ZNF438: variants seen among roughly 807,000 people sequenced by gnomAD.
ZNF438 encodes the protein zinc finger protein 438.
In ZNF438, 25 loss-of-function variants were observed where a neutral mutation model predicts 38.0. The ratio of observed to expected loss-of-function variants is 0.66; its 90% confidence interval spans 0.48 to 0.92. The LOEUF is 0.92. ZNF438 is among the 40% of genes least tolerant of loss of function. The pLI is 0.00. For missense variants in ZNF438, 1,007 were observed against 999.6 expected (o/e 1.01, Z -0.10); for synonymous variants, 372 against 364.1 (o/e 1.02, Z -0.25).
At chr10:30,959,033 T>G (rs909132057) in intron 1 of ZNF438, among the ~76,000 whole-genome samples, 1 of 147,446 alleles carries the variant, frequency 6.8e-6, no homozygotes, top group African/African-American at 2.4e-5. Flanking sequence ...AGCAATTACA[T>G]ACAAGTCTTT....
chr10:30,882,751 G>A (rs2039434837), intron 3 of ZNF438, among the ~76,000 whole-genome samples: 2 of 152,102 alleles, frequency 1.3e-5, no homozygotes, highest in Non-Finnish European at 2.9e-5. Flanking sequence ...ATCCATCGAG[G>A]TGAAGAATAT....
intron 2 of ZNF438, among the ~76,000 whole-genome samples, chr10:30,916,040 A>C (rs1425642900): frequency 6.6e-6 from 1 of 152,016 alleles, no homozygotes; most frequent in African/African-American, 2.4e-5. Context: ...TTGAAGCAAT[A>C]ATGGCGGAAC....
intron 3 of ZNF438, among the ~76,000 whole-genome samples, chr10:30,905,369 C>T (rs1488738648): frequency 1.3e-5 from 2 of 152,166 alleles, no homozygotes; most frequent in Admixed American, 6.5e-5. Flanking sequence ...AACGACGTTG[C>T]ACATCTTTTC....
At position 30,845,912 on chromosome 10, in the gene ZNF438, G is replaced by A. The variant is rs187790403; in HGVS notation, c.1875-339C>T. Among the ~76,000 whole-genome samples, 42 of 152,290 alleles carry A rather than the reference G, an allele frequency of 2.8e-4. 1 individual carries two copies. In the East Asian group the frequency reaches 7.4e-3, roughly 27 times the overall value. ...CACGTAAGAGCGCGTGAAGGGCACG[G>A]GAACACCCTCGGTTCTGTTGAAGGT... On this transcript the variant is annotated intron_variant, in intron 5 of 5. Coordinates refer to ENST00000413025, the Ensembl canonical transcript of ZNF438.
At chr10:31,011,307 G>C (rs1204594169) in intron 1 of ZNF438, among the ~76,000 whole-genome samples, 1 of 152,174 alleles carries the variant, frequency 6.6e-6, no homozygotes, top group Non-Finnish European at 1.5e-5. Flanking sequence ...GAGTACAACT[G>C]CAAGTGGGCA....
chr10:30,948,782 C>A lies in ZNF438; in HGVS notation c.-191-7131G>T, dbSNP rs1463686377. On this transcript the variant is annotated intron_variant, in intron 1 of 5. Transcript: ENST00000413025. ...ACCAAATCTACATCTGATTGGTGTA[C>A]CTGAAAGTGATGGGGAGAATGGAAC... Among the ~76,000 whole-genome samples the A allele has an allele frequency of 4.6e-5, 7 of 151,186 alleles. No homozygotes were observed. In the East Asian group the frequency reaches 1.4e-3, roughly 29 times the overall value.
chr10:30,981,189 G>A (rs1446649397), intron 1 of ZNF438, among the ~76,000 whole-genome samples: 1 of 152,158 alleles, frequency 6.6e-6, no homozygotes, highest in African/African-American at 2.4e-5. Flanking sequence ...AATTAATCAG[G>A]TGACAGAGAA....
Position 30,869,598 on chromosome 10 carries a change from T to A in ZNF438, c.37+7400A>T, listed in dbSNP as rs562385913. Reference sequence around the variant, plus strand: ...CAGGCATGTGTGTGTTTTCCATTTGTTCTTCTGTCAACAGTATAACATACT... The same window carrying A: ...CAGGCATGTGTGTGTTTTCCATTTGATCTTCTGTCAACAGTATAACATACT... On this transcript the variant is annotated intron_variant, in intron 4 of 5. Transcript: ENST00000413025. Among the ~76,000 whole-genome samples, 22 of 152,344 alleles carry A rather than the reference T, an allele frequency of 1.4e-4. No homozygotes were observed. The South Asian group carries it at 4.6e-3, about 32-fold the overall frequency.
In ZNF438 at chr10:30,959,182, G is replaced by C. The variant is rs1001420735; in HGVS notation, c.-191-17531C>G. 2.7e-5 allele frequency among the ~76,000 whole-genome samples: 4 copies of C among 147,026 alleles called. No homozygotes were observed. The East Asian group carries it at 7.7e-4, about 28-fold the overall frequency. On this transcript the variant is annotated intron_variant, in intron 1 of 5. Coordinates refer to ENST00000413025, the Ensembl canonical transcript of ZNF438. ...AGATATTTGGTCAAACATTATTCTC[G>C]ACATTTCTGCAAGAGTAATTTTGGA...
At chr10:30,901,268 G>A (rs999114732) in intron 3 of ZNF438, among the ~76,000 whole-genome samples, 2 of 152,162 alleles carry the variant, frequency 1.3e-5, no homozygotes, top group South Asian at 2.1e-4. Context: ...ACGATTTTAG[G>A]GTATAAATTA....
chr10:30,886,621 A>G (rs1480444407), intron 3 of ZNF438, among the ~76,000 whole-genome samples: 2 of 152,198 alleles, frequency 1.3e-5, no homozygotes, highest in African/African-American at 2.4e-5. Context: ...GTTTTATAAT[A>G]AAGTGTTGAA....
Position 30,930,803 on chromosome 10 carries a change from C to CA in ZNF438, c.-115+10771dup, listed in dbSNP as rs71527620. On this transcript the variant is annotated intron_variant, in intron 2 of 5. Coordinates refer to ENST00000413025, the Ensembl canonical transcript of ZNF438. ...GCCTGGCGACAGAGAGAAACTCAGTCAAAAAAAAAAAAAAAAAAAAAAAAA... is the reference window on the plus strand; with the variant it reads ...GCCTGGCGACAGAGAGAAACTCAGTCAAAAAAAAAAAAAAAAAAAAAAAAAA... Among the ~76,000 whole-genome samples the CA allele has an allele frequency of 5.6e-3, 216 of 38,430 alleles. 18 individuals carry two copies. The highest frequency in any genetic ancestry group is 0.022 in the East Asian group (13 of 586). The allele number at this position is 38,430 out of a possible 152,430, so 25.2% of individuals were successfully genotyped here.
At chr10:30,933,899 C>T (rs1398240391) in intron 2 of ZNF438, among the ~76,000 whole-genome samples, 1 of 152,126 alleles carries the variant, frequency 6.6e-6, no homozygotes, top group Non-Finnish European at 1.5e-5. Flanking sequence ...GTAATCCCAA[C>T]ACTTTGGGAG....
At chr10:30,925,105 A>G (rs2044757185) in intron 2 of ZNF438, among the ~76,000 whole-genome samples, 1 of 152,176 alleles carries the variant, frequency 6.6e-6, no homozygotes, top group Non-Finnish European at 1.5e-5. Context: ...GGAGCTTTCT[A>G]TATAGACAAT....
intron 2 of ZNF438, among the ~76,000 whole-genome samples, chr10:30,918,601 T>C (rs923128645): frequency 2.0e-5 from 3 of 152,132 alleles, no homozygotes; most frequent in African/African-American, 7.2e-5. Flanking sequence ...CTTGGAAACA[T>C]TAAAAACATG....
intron 4 of ZNF438, among the ~76,000 whole-genome samples, chr10:30,856,372 TTTTTG>T (rs201231182): frequency 1.4e-4 from 22 of 152,278 alleles, no homozygotes; most frequent in East Asian, 5.8e-4. Context: ...AACTCGTGTT[TTTTTG>T]TTTTGTTTTG....
In ZNF438 at chr10:30,933,301, A is replaced by G. The variant is rs186075513; in HGVS notation, c.-115+8274T>C. 1.3e-3 allele frequency among the ~76,000 whole-genome samples: 191 copies of G among 152,370 alleles called. 1 individual carries two copies. Among genetic ancestry groups the G allele is most frequent in the South Asian group, 8.3e-4 (4 of 4,832 alleles). On this transcript the variant is annotated intron_variant, in intron 2 of 5. Coordinates refer to ENST00000413025, the Ensembl canonical transcript of ZNF438. ...CTCCCATCTAATAGAGGCAGCTTCT[A>G]CTTAGCTCTAGCTGGTTACTGCCAC...
intron 1 of ZNF438, among the ~76,000 whole-genome samples, chr10:30,957,161 A>G (rs1008837993): frequency 7.2e-5 from 11 of 152,046 alleles, no homozygotes; most frequent in Non-Finnish European, 7.4e-5. Flanking sequence ...ACATTTTTTC[A>G]TATGTCTGTT....
At chr10:30,994,761 C>T (rs1304850854) in intron 1 of ZNF438, among the ~76,000 whole-genome samples, 3 of 152,078 alleles carry the variant, frequency 2.0e-5, no homozygotes, top group Non-Finnish European at 2.9e-5. Context: ...CTAGGCATGG[C>T]GGCTCACATC....
Sources: allele counts gnomAD v4.1 joint callset (sites outside exome capture counted in the v4.1 genomes callset), GRCh38; gene constraint gnomAD v4.1.1; transcripts MANE v1.5; gene names NCBI Gene and HGNC (gene_info 2026-07-23, HGNC 2026-07-21).